Variants in ATRIP observed in about 807,000 individuals in gnomAD.
ATRIP encodes the protein ATR interacting protein.
In ATRIP, 44 loss-of-function variants were observed where a neutral mutation model predicts 78.1. The ratio of observed to expected loss-of-function variants is 0.56; its 90% CI spans 0.44 to 0.72. The LOEUF is 0.72. Among genes scored for constraint, ATRIP ranks in the 30% least tolerant of loss-of-function variants. The pLI, the probability that ATRIP is intolerant of heterozygous loss-of-function variation, is 0.00. For missense variants in ATRIP, 927 were observed against 980.2 expected (o/e 0.95, Z 0.72); for synonymous variants, 388 against 408.9 (o/e 0.95, Z 0.62).
Position 48,467,141 on chromosome 3 carries a change from G to GGAGC in ATRIP, c.*1592_*1595dup. 1 of 1,614,050 alleles carries GGAGC rather than the reference G, an allele frequency of 6.2e-7. No homozygotes were observed. On this transcript the variant is annotated 3_prime_UTR_variant, in exon 13 of 13. Coordinates refer to ENST00000320211, the MANE Select transcript of ATRIP (RefSeq NM_130384.3). ...ATAGCATCACTGCGCTGAAGGCCCT[G>GGAGC]GAGCGAGCAAGCAGCCCCTCAGAAC...
At position 48,459,449 on chromosome 3, in the gene ATRIP, C is replaced by T. The variant is rs2040039337; in HGVS notation, c.920C>T (p.Thr307Ile). 1.9e-6 allele frequency: 3 copies of T among 1,613,556 alleles called. No individual in the cohort carries two copies. Among genetic ancestry groups the T allele is most frequent in the East Asian group, 2.2e-5 (1 of 44,880 alleles). ...FVDSWRQRSN[T>I]QGSILINLLL... is the part of the protein sequence containing the mutation. ...GACAGCTGGAGACAGAGATCAAACA[C>T]TCAAGGTACCAGAATCCCTGCTTCT... Residue 307 changes from threonine (T) to isoleucine (I), a missense_variant, in exon 6 of 13, where the codon ACT becomes ATT. Coordinates refer to ENST00000320211, the MANE Select transcript of ATRIP (RefSeq NM_130384.3).
chr3:48,447,024 T>TTA lies in ATRIP; in HGVS notation c.179_180insTA (p.Glu61ArgfsTer12). The TTA allele has an allele frequency of 1.9e-6, 3 of 1,574,058 alleles. No individual in the cohort carries two copies. The highest frequency in any genetic ancestry group is 2.6e-6 in the Non-Finnish European group (3 of 1,162,792). The stretch of plus-strand genomic sequence containing the variant: ...CATGGGGACTTCACTGCCGACGACC[T>TTA]GGAGGAGCTTGACACCCTCGCGTCA... On this transcript the variant is annotated frameshift_variant, in exon 1 of 13. Transcript: ENST00000320211. LOFTEE classifies it high-confidence loss of function.
chr3:48,463,580 CAAGT>C (rs980308968), intron 8 of ATRIP, among the ~76,000 whole-genome samples, 161 bp from the exon 9 acceptor site: 5 of 152,088 alleles, frequency 3.3e-5, no homozygotes, highest in Admixed American at 6.6e-5. Flanking sequence ...AGTTTCATAG[CAAGT>C]AAGTAGGGGT....
At chr3:48,453,534 G>T (rs141544146) in intron 3 of ATRIP, among the ~76,000 whole-genome samples, 3 of 152,278 alleles carry the variant, frequency 2.0e-5, no homozygotes, top group Admixed American at 6.5e-5. Flanking sequence ...AAAGGTTGTT[G>T]GGAGACTCAC....
At chr3:48,450,986 C>G (rs1327129996) in intron 2 of ATRIP, among the ~76,000 whole-genome samples, 1 of 151,080 alleles carries the variant, frequency 6.6e-6, no homozygotes, top group Non-Finnish European at 1.5e-5. Context: ...GTCAGGAGTT[C>G]AAGACCAGCC....
intron 2 of ATRIP, 64 bp from the exon 3 acceptor site, chr3:48,451,665 A>T: frequency 7.1e-7 from 1 of 1,417,934 alleles, no homozygotes; most frequent in Non-Finnish European, 9.6e-7. Flanking sequence ...ACTACATGTT[A>T]AAACAAAGTA....
In ATRIP at chr3:48,463,741, T is replaced by C; in HGVS notation, c.1746-4T>C. On this transcript the variant is annotated splice_region_variant and splice_polypyrimidine_tract_variant and intron_variant, in intron 8 of 12. Coordinates refer to ENST00000320211, the MANE Select transcript of ATRIP (RefSeq NM_130384.3). The stretch of plus-strand genomic sequence containing the variant: ...TCACGTCTCTCTGGGTCCCTGTCTT[T>C]TAGGTTCCAGTGTGTGTTCCAAGTG... 1.2e-6 allele frequency: 2 copies of C among 1,614,078 alleles called. No homozygotes were observed. The highest frequency in any genetic ancestry group is 1.7e-6 in the Non-Finnish European group (2 of 1,179,962).
intron 1 of ATRIP, chr3:48,447,294 G>A (rs1338547357): frequency 2.4e-6 from 3 of 1,244,090 alleles, no homozygotes; most frequent in Non-Finnish European, 3.0e-6. Flanking sequence ...TCAAACAGCC[G>A]ATTTGAAACA....
intron 8 of ATRIP, among the ~76,000 whole-genome samples, chr3:48,462,837 G>T (rs1468815833): frequency 6.6e-6 from 1 of 152,196 alleles, no homozygotes; most frequent in Non-Finnish European, 1.5e-5. Flanking sequence ...ATGAAACCAG[G>T]TAATAACCAT....
chr3:48,448,252 C>T (rs564124842), intron 1 of ATRIP, among the ~76,000 whole-genome samples: 3 of 150,254 alleles, frequency 2.0e-5, no homozygotes, highest in Admixed American at 6.7e-5. Flanking sequence ...GCCTCTACCT[C>T]CCAGGTTCAA....
chr3:48,450,162 A>C lies in ATRIP; in HGVS notation c.373A>C (p.Lys125Gln), dbSNP rs11925638. 4,330 of 1,608,250 alleles carry C rather than the reference A, an allele frequency of 2.7e-3. 88 individuals carry two copies. In the African/African-American group the frequency reaches 0.048, roughly 18 times the overall value. The change falls in exon 2 of 13, where the codon AAA (lysine) becomes CAA (glutamine). Residue 125 changes from lysine to glutamine, a missense_variant. Physicochemically the swap from Lys to Gln is moderately conservative, Grantham distance 53. Coordinates refer to ENST00000320211, the MANE Select transcript of ATRIP (RefSeq NM_130384.3). ...EVLQAQYKEL[K>Q]EKMKVMEEEV... ...ACTTCAGGCACAATACAAAGAACTTAAAGAAAAGGTAAGTGACTTAACTTG... is the reference window on the plus strand; with the variant it reads ...ACTTCAGGCACAATACAAAGAACTTCAAGAAAAGGTAAGTGACTTAACTTG...
intron 12 of ATRIP, 107 bp downstream of exon 12, chr3:48,465,190 G>A (rs1560109724): frequency 1.4e-6 from 2 of 1,413,488 alleles, no homozygotes; most frequent in East Asian, 4.6e-5. Flanking sequence ...GCCCACTGCA[G>A]CCTGTTCCAG....
chr3:48,460,326 GTTC>G lies in ATRIP; in HGVS notation c.1276_1278del (p.Phe426del). 1 of 1,613,520 alleles carries G rather than the reference GTTC, an allele frequency of 6.2e-7. No individual in the cohort carries two copies. The highest frequency in any genetic ancestry group is 2.2e-5 in the East Asian group (1 of 44,864). On this transcript the variant is annotated inframe_deletion, in exon 8 of 13. Coordinates refer to ENST00000320211, the MANE Select transcript of ATRIP (RefSeq NM_130384.3). The stretch of plus-strand genomic sequence containing the variant: ...CCGTGCATTTCCTCCCCCTTGTACA[GTTC>G]TTCATCGGCTTACACTGCCAGGCCC...
At chr3:48,450,351 C>A in intron 2 of ATRIP, 181 bp downstream of exon 2, 2 of 1,016,066 alleles carry the variant, frequency 2.0e-6, no homozygotes, top group Admixed American at 2.9e-5. Flanking sequence ...TTGTGAGATT[C>A]CTAATGCCAA....
In ATRIP at chr3:48,467,118, A is replaced by T. The variant is rs776885477; in HGVS notation, c.*1564A>T. The T allele has an allele frequency of 1.9e-6, 3 of 1,613,950 alleles. No homozygotes were observed. The highest frequency in any genetic ancestry group is 2.5e-6 in the Non-Finnish European group (3 of 1,180,016). On this transcript the variant is annotated 3_prime_UTR_variant, in exon 13 of 13. Transcript: ENST00000320211. ...TCTGGATGGTGCCTTCTGTGTGGAT[A>T]GCATCACTGCGCTGAAGGCCCTGGA...
chr3:48,449,961 TG>T, intron 1 of ATRIP, 75 bp from the exon 2 acceptor site: 1 of 1,282,372 alleles, frequency 7.8e-7, no homozygotes, highest in Non-Finnish European at 1.0e-6. Flanking sequence ...AAAAAAAAAG[TG>T]GGTATTTTCA....
rs766162973 is a variant in ATRIP, at chr3:48,460,799, G to A, written c.1745G>A (p.Arg582Lys). 7.5e-6 allele frequency: 12 copies of A among 1,592,740 alleles called. No individual in the cohort carries two copies. The highest frequency in any genetic ancestry group is 1.0e-5 in the Non-Finnish European group (12 of 1,164,440). The change falls in exon 8 of 13, where the codon AGG becomes AAG. Residue 582 changes from arginine to lysine, a missense_variant and splice_region_variant. By Grantham distance (26) the Arg-to-Lys change is conservative (BLOSUM62 2). Coordinates refer to ENST00000320211, the MANE Select transcript of ATRIP (RefSeq NM_130384.3). ...AACACTTCCTGTGATTTCTTGCCCA[G>A]GTATTAAGCTGCATAGGAGTCATGA... ...AENTSCDFLP[R>K]FQCVFQVLPK...
chr3:48,448,185 G>A (rs555993362), intron 1 of ATRIP, among the ~76,000 whole-genome samples: 11 of 113,106 alleles, frequency 9.7e-5, no homozygotes, highest in Admixed American at 3.5e-4. Flanking sequence ...TTTTTTTGAC[G>A]GAGTCTCACT....
Position 48,467,423 on chromosome 3 carries a change from A to C in ATRIP, c.*1869A>C. ...TCACAACCACTGCACACCTGGCCACAACCAGGAACACTAGTCCCAGCCTTG... is the reference window on the plus strand; with the variant it reads ...TCACAACCACTGCACACCTGGCCACCACCAGGAACACTAGTCCCAGCCTTG... On this transcript the variant is annotated 3_prime_UTR_variant, in exon 13 of 13. Transcript: ENST00000320211. 1 of 1,614,212 alleles carries C rather than the reference A, an allele frequency of 6.2e-7. No homozygotes were observed. The highest frequency in any genetic ancestry group is 8.5e-7 in the Non-Finnish European group (1 of 1,180,032).
Sources: gnomAD v4.1 joint callset for allele counts (sites outside exome capture counted in the v4.1 genomes callset) on GRCh38, gnomAD v4.1.1 for gene constraint, MANE v1.5 for transcripts, NCBI Gene and HGNC (gene_info 2026-07-23, HGNC 2026-07-21) for gene names.